The following TMA16 variants were observed in gnomAD, a reference collection of about 807,000 sequenced individuals.
The protein encoded by TMA16 is translation machinery associated 16 homolog, also known as translation machinery-associated protein 16.
A neutral mutation model predicts 27.1 loss-of-function variants in TMA16; 26 were observed. The observed-to-expected ratio is 0.96, with a 90% confidence interval of 0.70 to 1.33. The LOEUF is 1.33. Ranked by LOEUF, TMA16 falls within the 40% of genes most tolerant of loss-of-function variation. The pLI is 0.00. For synonymous variants in TMA16, 71 were observed against 81.9 expected, an observed-to-expected ratio of 0.87 and a Z score of 0.72; for missense variants, 233 against 241.4, an observed-to-expected ratio of 0.97 and a Z score of 0.23.
Position 163,495,286 on chromosome 4 carries a change from A to T in TMA16, c.3+482A>T, listed in dbSNP as rs75304765. On this transcript the variant is annotated intron_variant, in intron 1 of 6. Coordinates refer to ENST00000358572, the MANE Select transcript of TMA16 (RefSeq NM_018352.3). ...GCCCCCATTCGCTCCAGGGCACTGA[A>T]GCAGTTTTGTTGTTTTTATTAAAAA... Among the ~76,000 whole-genome samples, 1,380 of 152,316 alleles carry T rather than the reference A, an allele frequency of 9.1e-3. 22 individuals are homozygous for T. The highest frequency in any genetic ancestry group is 0.067 in the East Asian group (346 of 5,176).
At chr4:163,513,011 C>G (rs996442129) in intron 3 of TMA16, 152 bp downstream of exon 3, 14 of 540,734 alleles carry the variant, frequency 2.6e-5, no homozygotes, top group Admixed American at 3.8e-5. Context: ...AATCATTAAA[C>G]TTTTGGAATA....
chr4:163,509,653 A>G (rs576244755), intron 2 of TMA16, among the ~76,000 whole-genome samples: 1 of 152,328 alleles, frequency 6.6e-6, no homozygotes, highest in East Asian at 1.9e-4. Flanking sequence ...GTGGATAACA[A>G]TGCTAGAGTA....
chr4:163,507,269 G>A, intron 2 of TMA16, 124 bp downstream of exon 2: 1 of 843,268 alleles, frequency 1.2e-6, no homozygotes, highest in Non-Finnish European at 1.8e-6. Context: ...AGTGTGTTCT[G>A]TATGCAGAGG....
intron 1 of TMA16, among the ~76,000 whole-genome samples, chr4:163,499,060 G>C (rs1737607810): frequency 6.6e-6 from 1 of 152,124 alleles, no homozygotes; most frequent in South Asian, 2.1e-4. Flanking sequence ...AATGCAATGT[G>C]AATAATTTTT....
intron 2 of TMA16, 71 bp downstream of exon 2, chr4:163,507,216 A>G: frequency 7.7e-7 from 1 of 1,297,534 alleles, no homozygotes; most frequent in South Asian, 1.3e-5. Context: ...TTTCAAACAT[A>G]TATCCTTTCA....
chr4:163,519,660 T>C lies in TMA16; in HGVS notation c.*146T>C. The C allele has an allele frequency of 1.3e-6, 1 of 764,834 alleles. No individual in the cohort carries two copies. The highest frequency in any genetic ancestry group is 2.0e-6 in the Non-Finnish European group (1 of 500,702). The allele number at this position is 764,834 out of a possible 1,614,324, so 47.4% of individuals were successfully genotyped here. A position where few individuals can be genotyped will look rare whatever the true frequency, so the allele number is the denominator to read the frequency against. On this transcript the variant is annotated 3_prime_UTR_variant, in exon 7 of 7. Transcript: ENST00000358572. ...TTCATTTGCGTTTCAAAAATGGTGT[T>C]ATGATACTTATTTTAAAATGAAGAT...
intron 1 of TMA16, among the ~76,000 whole-genome samples, chr4:163,495,627 AT>A (rs563519789): frequency 1.3e-5 from 2 of 152,046 alleles, no homozygotes; most frequent in Admixed American, 6.6e-5. Flanking sequence ...TGCTTTATAA[AT>A]TTTTTTCAAT....
chr4:163,498,575 C>G (rs1737597764), intron 1 of TMA16, among the ~76,000 whole-genome samples: 2 of 152,220 alleles, frequency 1.3e-5, no homozygotes, highest in Admixed American at 6.5e-5. Flanking sequence ...GCATGAGCCA[C>G]TGTGCCCGGC....
intron 3 of TMA16, 35 bp downstream of exon 3, chr4:163,512,894 A>T: frequency 6.4e-7 from 1 of 1,555,850 alleles, no homozygotes; most frequent in Non-Finnish European, 8.8e-7. Flanking sequence ...CTCTGGCTAG[A>T]GTATAGGGCA....
Position 163,494,746 on chromosome 4 carries a change from G to A in TMA16, c.-56G>A. ...TTGTGAGCTGCTGCTCCTGCGGTTG[G>A]TGAGATTACCTGGGTCTAGAGTGCG... On this transcript the variant is annotated 5_prime_UTR_variant, in exon 1 of 7. The change creates a new upstream start codon in the 5' untranslated region. Coordinates refer to ENST00000358572, the MANE Select transcript of TMA16 (RefSeq NM_018352.3). 1 of 1,612,858 alleles carries A rather than the reference G, an allele frequency of 6.2e-7. No individual in the cohort carries two copies. Among genetic ancestry groups the A allele is most frequent in the Non-Finnish European group, 8.5e-7 (1 of 1,179,814 alleles).
intron 4 of TMA16, among the ~76,000 whole-genome samples, chr4:163,515,023 G>A (rs561277223): frequency 6.6e-6 from 1 of 152,230 alleles, no homozygotes; most frequent in East Asian, 1.9e-4. Flanking sequence ...GTGATGACAA[G>A]TTCAGTTTTG....
At chr4:163,508,002 GTGT>G (rs1159313604) in intron 2 of TMA16, among the ~76,000 whole-genome samples, 1 of 152,018 alleles carries the variant, frequency 6.6e-6, no homozygotes, top group Non-Finnish European at 1.5e-5. Flanking sequence ...AAGGAAATAA[GTGT>G]TGTGATAGCA....
At chr4:163,504,532 C>T (rs887186313) in intron 1 of TMA16, among the ~76,000 whole-genome samples, 9 of 152,148 alleles carry the variant, frequency 5.9e-5, no homozygotes, top group Non-Finnish European at 1.2e-4. Context: ...GAGTCTGACC[C>T]TGTTGCCCAG....
At chr4:163,512,155 C>T (rs1225320713) in intron 2 of TMA16, among the ~76,000 whole-genome samples, 1 of 151,946 alleles carries the variant, frequency 6.6e-6, no homozygotes, top group Non-Finnish European at 1.5e-5. Flanking sequence ...TATGCTTCTC[C>T]ATGTTTTTAT....
At chr4:163,506,907 A>G in intron 1 of TMA16, 126 bp from the exon 2 acceptor site, 1 of 693,612 alleles carries the variant, frequency 1.4e-6, no homozygotes, top group Non-Finnish European at 2.4e-6. Flanking sequence ...TTTTTCTTGT[A>G]ATAGTTTTAG....
intron 1 of TMA16, among the ~76,000 whole-genome samples, chr4:163,499,146 A>G (rs1737608867): frequency 1.3e-5 from 2 of 152,330 alleles, no homozygotes; most frequent in East Asian, 1.9e-4. Context: ...CAGCTTTTAA[A>G]TAACACTTGT....
chr4:163,509,208 G>A (rs1434308457), intron 2 of TMA16, among the ~76,000 whole-genome samples: 1 of 152,094 alleles, frequency 6.6e-6, no homozygotes, highest in Non-Finnish European at 1.5e-5. Context: ...AACTTTAAAT[G>A]GGAATGTGGT....
chr4:163,499,197 T>A (rs562858477), intron 1 of TMA16, among the ~76,000 whole-genome samples: 5 of 152,332 alleles, frequency 3.3e-5, no homozygotes, highest in African/African-American at 1.2e-4. Flanking sequence ...TTTGCTGATC[T>A]TTTTCATATT....
intron 1 of TMA16, among the ~76,000 whole-genome samples, chr4:163,502,810 T>A (rs1335998796): frequency 6.6e-6 from 1 of 152,112 alleles, no homozygotes; most frequent in African/African-American, 2.4e-5. Context: ...GAAGATTCAC[T>A]GCAAAAAAAG....
Sources: allele counts gnomAD v4.1 joint callset (sites outside exome capture counted in the v4.1 genomes callset), GRCh38; gene constraint gnomAD v4.1.1; transcripts MANE v1.5; gene names NCBI Gene and HGNC (gene_info 2026-07-23, HGNC 2026-07-21).